The following RASAL2 variants were observed in gnomAD, a reference collection of about 807,000 sequenced individuals.
RASAL2 encodes the protein ras GTPase-activating protein nGAP.
In RASAL2, 58 loss-of-function variants were observed where a neutral mutation model predicts 128.9. The observed-to-expected ratio is 0.45, with a 90% CI of 0.36 to 0.56. RASAL2 has a LOEUF of 0.56. Ranked by LOEUF, RASAL2 falls within the 20% of genes least tolerant of loss-of-function variation. The pLI is 0.00. For missense variants in RASAL2, 1,360 were observed against 1,601.6 expected, an observed-to-expected ratio of 0.85 and a Z score of 2.57; for synonymous variants, 561 against 580.8, an observed-to-expected ratio of 0.97 and a Z score of 0.49.
chr1:178,381,411 C>T (rs1672277296), intron 3 of RASAL2, among the ~76,000 whole-genome samples: 1 of 152,102 alleles, frequency 6.6e-6, no homozygotes, highest in African/African-American at 2.4e-5. Flanking sequence ...AGATACTTAG[C>T]AGTGTGTGTT....
intron 1 of RASAL2, among the ~76,000 whole-genome samples, chr1:178,230,335 G>C (rs1663952216): frequency 6.6e-6 from 1 of 152,054 alleles, no homozygotes; most frequent in Non-Finnish European, 1.5e-5. Context: ...TGGTTCATAG[G>C]GCAGATGTAT....
At chr1:178,217,824 A>G (rs1010643939) in intron 1 of RASAL2, among the ~76,000 whole-genome samples, 5 of 152,196 alleles carry the variant, frequency 3.3e-5, no homozygotes, top group South Asian at 2.1e-4. Flanking sequence ...GAAGACGACA[A>G]TGAAGTTGCC....
chr1:178,148,302 A>C (rs2101873279), intron 1 of RASAL2, among the ~76,000 whole-genome samples: 1 of 152,196 alleles, frequency 6.6e-6, no homozygotes, highest in South Asian at 2.1e-4. Flanking sequence ...CTGTGGGGCA[A>C]GTTTTATGTA....
At chr1:178,278,944 C>G (rs569427835) in intron 1 of RASAL2, among the ~76,000 whole-genome samples, 94 of 152,254 alleles carry the variant, frequency 6.2e-4, no homozygotes, top group African/African-American at 2.2e-3. Flanking sequence ...CATGAGAGAT[C>G]TATTGTTATT....
intron 1 of RASAL2, among the ~76,000 whole-genome samples, chr1:178,133,180 T>C (rs1055593435): frequency 6.6e-6 from 1 of 152,230 alleles, no homozygotes; most frequent in Non-Finnish European, 1.5e-5. Context: ...TCCTCTGTCA[T>C]CCTTCTACTG....
At chr1:178,422,304 G>T in intron 5 of RASAL2, among the ~76,000 whole-genome samples, 1 of 152,004 alleles carries the variant, frequency 6.6e-6, no homozygotes, top group Middle Eastern at 3.4e-3. Context: ...TATAGTTACT[G>T]TATTTTTAGC....
chr1:178,362,574 A>T (rs373298936), intron 3 of RASAL2, among the ~76,000 whole-genome samples: 6 of 149,126 alleles, frequency 4.0e-5, no homozygotes, highest in African/African-American at 1.5e-4. Context: ...CTCATGTTGT[A>T]CACTAGATCT....
At chr1:178,325,660 G>T (rs1304848175) in intron 3 of RASAL2, among the ~76,000 whole-genome samples, 1 of 152,150 alleles carries the variant, frequency 6.6e-6, no homozygotes, top group African/African-American at 2.4e-5. Context: ...GTTTCATAGT[G>T]GTAGATAGGC....
At chr1:178,395,187 C>T (rs1673138384) in intron 4 of RASAL2, among the ~76,000 whole-genome samples, 2 of 152,184 alleles carry the variant, frequency 1.3e-5, no homozygotes, top group South Asian at 4.1e-4. Context: ...TAGACTCCAC[C>T]TCAGACCAGT....
rs370009296 is a variant in RASAL2 at position 178,471,555 on chromosome 1, A to G, written c.3679-1520A>G. ...GTATATCTTACCACATGAGTTCTCC[A>G]TCAGGGAAAGAAGGATTTTTTTTTA... On this transcript the variant is annotated intron_variant, in intron 17 of 17. Transcript: ENST00000367649. Among the ~76,000 whole-genome samples, 8 of 152,304 alleles carry G rather than the reference A, an allele frequency of 5.3e-5. No homozygotes were observed. The East Asian group carries it at 1.2e-3, about 22-fold the overall frequency.
chr1:178,187,176 A>G (rs1662332320), intron 1 of RASAL2, among the ~76,000 whole-genome samples: 1 of 151,814 alleles, frequency 6.6e-6, no homozygotes, highest in African/African-American at 2.4e-5. Context: ...TTTTTTCACC[A>G]GGGATTCCTT....
intron 1 of RASAL2, among the ~76,000 whole-genome samples, chr1:178,249,965 C>T (rs928785152): frequency 6.6e-6 from 1 of 152,162 alleles, no homozygotes; most frequent in South Asian, 2.1e-4. Flanking sequence ...CAGCCTGATG[C>T]CGGGGCTCTT....
At chr1:178,332,663 G>A (rs1208125619) in intron 3 of RASAL2, among the ~76,000 whole-genome samples, 2 of 148,424 alleles carry the variant, frequency 1.3e-5, no homozygotes, top group Non-Finnish European at 3.0e-5. Flanking sequence ...CCAGGCTGGA[G>A]TGCGGTGGCG....
intron 4 of RASAL2, among the ~76,000 whole-genome samples, chr1:178,395,790 TA>T (rs1673183217): frequency 7.0e-6 from 1 of 143,696 alleles, no homozygotes; most frequent in Non-Finnish European, 1.5e-5. Flanking sequence ...TATATATATA[TA>T]TTTATTTATT....
chr1:178,109,024 T>A (rs773403932), intron 1 of RASAL2, among the ~76,000 whole-genome samples: 1 of 152,232 alleles, frequency 6.6e-6, no homozygotes, highest in South Asian at 2.1e-4. Context: ...CTATTACTTA[T>A]GTTTGATCAA....
chr1:178,401,216 CATTGACCTCTTATGCCATAGTTT>C (rs1673605872), intron 4 of RASAL2, among the ~76,000 whole-genome samples: 1 of 152,188 alleles, frequency 6.6e-6, no homozygotes, highest in Non-Finnish European at 1.5e-5. Context: ...GTTGCAAAGA[CATTGACCTCTTATGCCATAGTTT>C]CTTCATCATT....
At chr1:178,359,258 G>A (rs111417935) in intron 3 of RASAL2, among the ~76,000 whole-genome samples, 3,812 of 152,182 alleles carry the variant, frequency 0.025, 80 homozygotes, top group South Asian at 0.057. Context: ...TTAATAAAAG[G>A]CCAAATACAG....
At chr1:178,243,461 A>G (rs1664613161) in intron 1 of RASAL2, among the ~76,000 whole-genome samples, 1 of 151,886 alleles carries the variant, frequency 6.6e-6, no homozygotes. Context: ...TCTGTTATCC[A>G]CCTGGCTACC....
intron 4 of RASAL2, among the ~76,000 whole-genome samples, chr1:178,395,609 A>C (rs756127806): frequency 2.0e-5 from 3 of 152,022 alleles, no homozygotes; most frequent in Non-Finnish European, 4.4e-5. Flanking sequence ...TCCAACTTTC[A>C]TATTCTCAGC....
Sources: allele counts gnomAD v4.1 joint callset (sites outside exome capture counted in the v4.1 genomes callset), GRCh38; gene constraint gnomAD v4.1.1; transcripts MANE v1.5; gene names NCBI Gene and HGNC (gene_info 2026-07-23, HGNC 2026-07-21).